CDH15: variants seen among roughly 807,000 people sequenced by gnomAD.
The protein encoded by CDH15 is cadherin 15.
Under a neutral mutation model 69.4 loss-of-function variants are expected in CDH15, and 73 were observed. That is an observed-to-expected ratio of 1.05 (90% CI 0.87 to 1.28). The LOEUF (loss-of-function observed/expected upper bound fraction) is 1.28, where lower values mean the gene tolerates loss of function less well. Ranked by LOEUF, CDH15 falls within the 50% of genes most tolerant of loss-of-function variation. The pLI is 0.00. For synonymous variants in CDH15, 624 were observed against 507.7 expected, an observed-to-expected ratio of 1.23 and a Z score of -3.08; for missense variants, 1,343 against 1,133.6, an observed-to-expected ratio of 1.18 and a Z score of -2.65.
chr16:89,186,842 CAGA>C (rs1283204776), intron 5 of CDH15, among the ~76,000 whole-genome samples: 41 of 148,194 alleles, frequency 2.8e-4, no homozygotes, highest in Admixed American at 6.0e-4. Flanking sequence ...ACCCAGCGCA[CAGA>C]AGGTGCTCTG....
At chr16:89,190,609 G>A in intron 8 of CDH15, 113 bp downstream of exon 8, 2 of 1,353,218 alleles carry the variant, frequency 1.5e-6, no homozygotes, top group South Asian at 1.3e-5. Flanking sequence ...GCCATTTGCT[G>A]TGTGGGTTCC....
intron 7 of CDH15, 151 bp from the exon 8 acceptor site, chr16:89,190,092 C>T: frequency 1.2e-6 from 1 of 818,764 alleles, no homozygotes; most frequent in South Asian, 1.6e-5. Context: ...GCCTTCTTGT[C>T]CTGCATAATT....
Position 89,194,916 on chromosome 16 carries a change from A to G in CDH15, c.2206A>G (p.Ile736Val), listed in dbSNP as rs994255996. The G allele has an allele frequency of 6.2e-7, 1 of 1,608,282 alleles. No individual in the cohort carries two copies. Among genetic ancestry groups the G allele is most frequent in the Non-Finnish European group, 8.5e-7 (1 of 1,177,690 alleles). The change falls in exon 14 of 14, where the codon ATC (isoleucine) becomes GTC (valine). Residue 736 changes from isoleucine (I) to valine (V), a missense_variant. Ile to Val is a conservative substitution (Grantham distance 29, BLOSUM62 3). Coordinates refer to ENST00000289746, the MANE Select transcript of CDH15 (RefSeq NM_004933.3). ...PSVPPYDTAL[I>V]YDYEGDGSVA... Reference sequence around the variant, plus strand: ...TGTGCCGCCTTACGACACAGCCCTCATCTATGACTACGAGGGTGACGGCTC... The same window carrying G: ...TGTGCCGCCTTACGACACAGCCCTCGTCTATGACTACGAGGGTGACGGCTC...
rs1350107769 is a variant in CDH15, at chr16:89,190,322, T to C, written c.1058T>C (p.Leu353Pro). ...QNEAPLQAAA[L>P]RAERGQAKVR... ...GAGGCCCCGCTGCAGGCGGCTGCCC[T>C]TAGGGCTGAGCGGGGCCAGGCCAAG... Residue 353 changes from leucine (L) to proline (P), a missense_variant, in exon 8 of 14, where the codon CTT (leucine) becomes CCT (proline). Physicochemically the swap from Leu to Pro is moderately conservative, Grantham distance 98 (BLOSUM62 -3). Coordinates refer to ENST00000289746, the MANE Select transcript of CDH15 (RefSeq NM_004933.3). 6.2e-7 allele frequency: 1 copy of C among 1,612,290 alleles called. No individual in the cohort carries two copies. Among genetic ancestry groups the C allele is most frequent in the Non-Finnish European group, 8.5e-7 (1 of 1,179,786 alleles).
chr16:89,185,315 A>G lies in CDH15; in HGVS notation c.645A>G (p.Gln215=). Residue 215 remains glutamine (Q), a synonymous_variant, in exon 5 of 14, where the codon CAA becomes CAG. Transcript: ENST00000289746. ...TCACAGGAGAGATCCGCACAGTGCA[A>G]GTGGGGCTGGACCGCGAGGTGAGGT... ...DELTGEIRTV[Q]VGLDREVVAV... 6.2e-7 allele frequency: 1 copy of G among 1,604,442 alleles called. No individual in the cohort carries two copies. Among genetic ancestry groups the G allele is most frequent in the Non-Finnish European group, 8.5e-7 (1 of 1,175,844 alleles).
Position 89,183,493 on chromosome 16 carries a change from G to A in CDH15, c.358-55G>A, listed in dbSNP as rs747204200. On this transcript the variant is annotated intron_variant, in intron 3 of 13. Coordinates refer to ENST00000289746, the MANE Select transcript of CDH15 (RefSeq NM_004933.3). ...CTGTCTCTTTCGCATGGCCCTAACG[G>A]GAGCCACAGAAATTTGGGGGCCACA... 7.8e-5 allele frequency: 126 copies of A among 1,608,562 alleles called. 3 individuals are homozygous for A. The South Asian group carries it at 9.2e-4, about 12-fold the overall frequency.
intron 4 of CDH15, among the ~76,000 whole-genome samples, chr16:89,184,551 C>T (rs576473696): frequency 8.5e-5 from 13 of 152,342 alleles, no homozygotes; most frequent in Admixed American, 6.5e-4. Context: ...AGTCACAGTG[C>T]GCGTCCTCTG....
At chr16:89,187,686 C>T (rs1158985832) in intron 6 of CDH15, 129 bp downstream of exon 6, 13 of 1,361,892 alleles carry the variant, frequency 9.5e-6, no homozygotes, top group South Asian at 4.9e-5. Context: ...AGGAACTCCG[C>T]GTGGGCGGGT....
Position 89,190,332 on chromosome 16 carries a change from G to A in CDH15, c.1068G>A (p.Glu356=), listed in dbSNP as rs1915608411. The A allele has an allele frequency of 1.2e-6, 2 of 1,612,484 alleles. No homozygotes were observed. Among genetic ancestry groups the A allele is most frequent in the Non-Finnish European group, 1.7e-6 (2 of 1,179,838 alleles). ...TGCAGGCGGCTGCCCTTAGGGCTGA[G>A]CGGGGCCAGGCCAAGGTCCGCGTGC... ...APLQAAALRA[E]RGQAKVRVHV... The change falls in exon 8 of 14, where the codon GAG becomes GAA. Residue 356 remains glutamate (E), a synonymous_variant. Transcript: ENST00000289746.
intron 1 of CDH15, among the ~76,000 whole-genome samples, chr16:89,172,817 G>A (rs1231066625): frequency 6.6e-6 from 1 of 152,204 alleles, no homozygotes; most frequent in Non-Finnish European, 1.5e-5. Context: ...GTACAAGAGG[G>A]CAGCCTCTCT....
rs934885411 is a variant in CDH15 at position 89,183,680 on chromosome 16, G to A, written c.490G>A (p.Gly164Ser). The change falls in exon 4 of 14, where the codon GGT (glycine) becomes AGT (serine). Residue 164 changes from glycine (G) to serine (S), a missense_variant. Coordinates refer to ENST00000289746, the MANE Select transcript of CDH15 (RefSeq NM_004933.3). ...GGCGTTCACTGGCCGCGTGCTGGAGGGTGCAGTCCCAGGTGAGACAGGACC... is the reference window on the plus strand; with the variant it reads ...GGCGTTCACTGGCCGCGTGCTGGAGAGTGCAGTCCCAGGTGAGACAGGACC... ...QEAFTGRVLE[G>S]AVPGTYVTRA... 4 of 1,604,562 alleles carry A rather than the reference G, an allele frequency of 2.5e-6. No homozygotes were observed. Among genetic ancestry groups the A allele is most frequent in the Non-Finnish European group, 3.4e-6 (4 of 1,175,620 alleles).
intron 11 of CDH15, among the ~76,000 whole-genome samples, 174 bp from the exon 12 acceptor site, chr16:89,193,296 C>A (rs575295802): frequency 2.7e-4 from 40 of 146,792 alleles, no homozygotes; most frequent in Non-Finnish European, 5.2e-4. Flanking sequence ...GCTTCCTCCC[C>A]AACCCCGGCT....
At chr16:89,179,273 G>A (rs1022988172) in intron 1 of CDH15, 143 bp from the exon 2 acceptor site, 21 of 904,838 alleles carry the variant, frequency 2.3e-5, no homozygotes, top group African/African-American at 1.8e-4. Context: ...TGTGGAAGCC[G>A]CCTTGCGCCA....
At chr16:89,183,401 C>A in intron 3 of CDH15, 147 bp from the exon 4 acceptor site, 1 of 866,820 alleles carries the variant, frequency 1.2e-6, no homozygotes, top group Non-Finnish European at 1.8e-6. Flanking sequence ...GTGACAGATG[C>A]CCCACCCTGT....
At chr16:89,176,276 G>A (rs564778409) in intron 1 of CDH15, among the ~76,000 whole-genome samples, 53 of 152,270 alleles carry the variant, frequency 3.5e-4, no homozygotes, top group African/African-American at 1.2e-3. Flanking sequence ...AGGAGCAGGC[G>A]GCACTGGAGG....
At chr16:89,190,751 G>A (rs1025758128) in intron 8 of CDH15, among the ~76,000 whole-genome samples, 2 of 152,130 alleles carry the variant, frequency 1.3e-5, no homozygotes, top group Non-Finnish European at 1.5e-5. Context: ...CATCCCAGGA[G>A]GCCCTTGCTC....
At chr16:89,192,565 C>G in intron 11 of CDH15, 121 bp downstream of exon 11, 1 of 755,642 alleles carries the variant, frequency 1.3e-6, no homozygotes, top group Non-Finnish European at 2.1e-6. Context: ...TAACCCCGCC[C>G]CCTCATTACC....
intron 1 of CDH15, among the ~76,000 whole-genome samples, chr16:89,176,094 C>CA (rs1223151096): frequency 2.6e-5 from 4 of 152,246 alleles, no homozygotes. Flanking sequence ...TGGTGGAGGA[C>CA]AGAGGCCAAG....
At chr16:89,174,503 C>A (rs964995074) in intron 1 of CDH15, among the ~76,000 whole-genome samples, 6 of 152,242 alleles carry the variant, frequency 3.9e-5, no homozygotes, top group African/African-American at 4.8e-5. Context: ...TCCCACCTCG[C>A]AGTGGTGTTT....
Sources: gnomAD v4.1 joint callset for allele counts (sites outside exome capture counted in the v4.1 genomes callset) on GRCh38, gnomAD v4.1.1 for gene constraint, MANE v1.5 for transcripts, NCBI Gene and HGNC (gene_info 2026-07-23, HGNC 2026-07-21) for gene names.